Variants in MED15 observed in about 807,000 individuals in gnomAD.
The protein encoded by MED15 is mediator of RNA polymerase II transcription subunit 15.
MED15 carries 41 observed loss-of-function variants against 118.7 expected under a neutral mutation model. The ratio of observed to expected loss-of-function variants is 0.35; its 90% CI spans 0.27 to 0.45. MED15 has a LOEUF of 0.45. Ranked by LOEUF, MED15 falls within the 20% of genes least tolerant of loss-of-function variation. The probability of loss-of-function intolerance (pLI) is 1.00; values close to 1 mark genes in which losing one functional copy is unlikely to be tolerated. For missense variants in MED15, 740 were observed against 1,025.5 expected (o/e 0.72, Z 3.80); for synonymous variants, 436 against 413.9 (o/e 1.05, Z -0.65).
intron 2 of MED15, among the ~76,000 whole-genome samples, chr22:20,550,355 C>G (rs1235553179): frequency 6.6e-6 from 1 of 152,194 alleles, no homozygotes; most frequent in Admixed American, 6.5e-5. Flanking sequence ...TCCCCTGGGC[C>G]TTTCTTCTTC....
intron 1 of MED15, among the ~76,000 whole-genome samples, chr22:20,513,082 T>G (rs961723307): frequency 4.6e-5 from 7 of 151,904 alleles, no homozygotes; most frequent in African/African-American, 1.7e-4. Flanking sequence ...ATTTTTTTAT[T>G]TTTTTAAGAG....
At chr22:20,572,271 C>T (rs1449840811) in intron 8 of MED15, among the ~76,000 whole-genome samples, 5 of 152,182 alleles carry the variant, frequency 3.3e-5, no homozygotes, top group African/African-American at 9.7e-5. Flanking sequence ...GACATCAGGA[C>T]GTGGTGACCA....
intron 2 of MED15, among the ~76,000 whole-genome samples, chr22:20,544,234 C>T (rs899339587): frequency 1.3e-5 from 2 of 152,180 alleles, no homozygotes; most frequent in East Asian, 3.8e-4. Context: ...TCATGCTTCT[C>T]ACAATTCTAC....
chr22:20,556,222 A>G (rs1361215221), intron 5 of MED15, among the ~76,000 whole-genome samples: 1 of 152,136 alleles, frequency 6.6e-6, no homozygotes. Flanking sequence ...AGTATCTTAC[A>G]TAGAACATTG....
intron 7 of MED15, among the ~76,000 whole-genome samples, chr22:20,567,737 C>G (rs943750794): frequency 9.2e-5 from 14 of 152,208 alleles, no homozygotes; most frequent in African/African-American, 3.1e-4. Flanking sequence ...AGGGTTTGCC[C>G]TGGTGACTTG....
intron 1 of MED15, among the ~76,000 whole-genome samples, chr22:20,532,441 T>C (rs1377035681): frequency 6.6e-6 from 1 of 152,078 alleles, no homozygotes; most frequent in Non-Finnish European, 1.5e-5. Context: ...GTGGGGGAGC[T>C]CCAAGGGCCT....
rs1033786494 is a variant in MED15, at chr22:20,523,845, C to G, written c.69-13272C>G. 5 of 985,140 alleles carry G rather than the reference C, an allele frequency of 5.1e-6. No individual in the cohort carries two copies. In the African/African-American group the frequency reaches 8.7e-5, roughly 17 times the overall value. The allele number at this position is 985,140 out of a possible 1,614,324, so 61.0% of individuals were successfully genotyped here. On this transcript the variant is annotated intron_variant, in intron 1 of 17. Coordinates refer to ENST00000263205, the MANE Select transcript of MED15 (RefSeq NM_001003891.3). ...AGTACACAGTTTGAAGGGCAGCAGC[C>G]TTTTCTGCAGGTTAGTTCTTTCAAT...
At chr22:20,574,039 G>C (rs1234395695) in intron 8 of MED15, 1 of 152,274 alleles carries the variant, frequency 6.6e-6, no homozygotes, top group East Asian at 1.9e-4. Flanking sequence ...TGGGCCGTGT[G>C]TGTGAGGCCA....
chr22:20,513,529 G>A (rs1489974980), intron 1 of MED15, among the ~76,000 whole-genome samples: 3 of 152,030 alleles, frequency 2.0e-5, no homozygotes, highest in Non-Finnish European at 4.4e-5. Context: ...CACCTGCCTC[G>A]GCCTCCCAAA....
intron 13 of MED15, chr22:20,583,952 C>T: frequency 4.0e-6 from 1 of 250,906 alleles, no homozygotes; most frequent in South Asian, 6.0e-5. Flanking sequence ...CTCAGGCTAT[C>T]CCCCAACCCC....
At chr22:20,530,949 G>A (rs556355730) in intron 1 of MED15, among the ~76,000 whole-genome samples, 1 of 152,274 alleles carries the variant, frequency 6.6e-6, no homozygotes, top group Admixed American at 6.5e-5. Flanking sequence ...GCAGGTTGTT[G>A]CCTGACTTAT....
At chr22:20,527,761 T>G (rs1277910713) in intron 1 of MED15, among the ~76,000 whole-genome samples, 1 of 151,954 alleles carries the variant, frequency 6.6e-6, no homozygotes, top group Non-Finnish European at 1.5e-5. Flanking sequence ...AGTTCGAGAC[T>G]AGCCTGGTCA....
At chr22:20,562,407 CAG>C (rs362137) in intron 5 of MED15, among the ~76,000 whole-genome samples, 29,909 of 151,860 alleles carry the variant, frequency 0.2, 2,976 homozygotes, top group South Asian at 0.25. Context: ...TGTTTTGAGA[CAG>C]AGTCTCACTC....
chr22:20,543,054 C>G (rs1221541397), intron 2 of MED15, among the ~76,000 whole-genome samples: 1 of 151,956 alleles, frequency 6.6e-6, no homozygotes, highest in Admixed American at 6.6e-5. Context: ...TTTCCCAAAT[C>G]ATTAAGTCTA....
chr22:20,535,758 A>G (rs112996281), intron 1 of MED15, among the ~76,000 whole-genome samples: 11,166 of 150,792 alleles, frequency 0.074, 608 homozygotes, highest in Non-Finnish European at 0.11. Context: ...ACAGGGTTTC[A>G]CTGTGTTAGC....
intron 1 of MED15, among the ~76,000 whole-genome samples, chr22:20,512,451 A>G (rs1009766112): frequency 6.6e-6 from 1 of 151,962 alleles, no homozygotes; most frequent in Non-Finnish European, 1.5e-5. Context: ...AAAGTTGGTC[A>G]CCGCCTCTGA....
At chr22:20,555,347 C>T (rs1164376326) in intron 5 of MED15, among the ~76,000 whole-genome samples, 199 bp downstream of exon 5, 1 of 152,130 alleles carries the variant, frequency 6.6e-6, no homozygotes, top group Admixed American at 6.6e-5. Flanking sequence ...TTAAGTGATG[C>T]TGGGCCCTCC....
chr22:20,518,527 C>T (rs566114378), intron 1 of MED15, among the ~76,000 whole-genome samples: 9 of 152,274 alleles, frequency 5.9e-5, no homozygotes, highest in Non-Finnish European at 1.2e-4. Context: ...GTTAGCTCAG[C>T]CTGTGGTGGC....
intron 7 of MED15, among the ~76,000 whole-genome samples, chr22:20,567,041 C>T (rs972412489): frequency 3.9e-5 from 6 of 152,182 alleles, no homozygotes; most frequent in Non-Finnish European, 7.3e-5. Context: ...GCACAGGGTA[C>T]TGCTGCTGCT....
Sources: gnomAD v4.1 joint callset for allele counts (sites outside exome capture counted in the v4.1 genomes callset) on GRCh38, gnomAD v4.1.1 for gene constraint, MANE v1.5 for transcripts, NCBI Gene and HGNC (gene_info 2026-07-23, HGNC 2026-07-21) for gene names.